The following GRAMD4 variants were observed in gnomAD, a reference collection of about 807,000 sequenced individuals.
GRAMD4 encodes GRAM domain-containing protein 4.
A neutral mutation model predicts 83.9 loss-of-function variants in GRAMD4; 25 were observed. The observed-to-expected ratio is 0.30, with a 90% CI of 0.22 to 0.42. GRAMD4 has a LOEUF of 0.42. Among genes scored for constraint, GRAMD4 ranks in the 10% least tolerant of loss-of-function variants. The pLI, the probability that GRAMD4 is intolerant of heterozygous loss-of-function variation, is 1.00. For synonymous variants in GRAMD4, 336 were observed against 320.9 expected, an observed-to-expected ratio of 1.05 and a Z score of -0.50; for missense variants, 593 against 788.7, an observed-to-expected ratio of 0.75 and a Z score of 2.97.
chr22:46,577,266 G>C (rs902462348), exon 1 of GRAMD4: 2 of 979,284 alleles, frequency 2.0e-6, no homozygotes, highest in Non-Finnish European at 2.4e-6. Context: ...GGGTGGATGA[G>C]AGTTGGCCCC....
rs2082368058 is a variant in GRAMD4, at chr22:46,663,858, G to A, written c.620G>A (p.Arg207Gln). The A allele has an allele frequency of 1.2e-6, 2 of 1,613,360 alleles. No homozygotes were observed. Among genetic ancestry groups the A allele is most frequent in the Non-Finnish European group, 1.7e-6 (2 of 1,179,906 alleles). Reference sequence around the variant, plus strand: ...CTTAGGTTAACTGAAAATATGAGACGGCTCAGTGAGTACCAGCGGCTCTGC... The same window carrying A: ...CTTAGGTTAACTGAAAATATGAGACAGCTCAGTGAGTACCAGCGGCTCTGC... ...SARRLTENMRRLKRGAKPVTN... is the reference protein window; with the variant it reads ...SARRLTENMRQLKRGAKPVTN... Residue 207 changes from arginine (R) to glutamine (Q), a missense_variant, in exon 7 of 19, where the codon CGG becomes CAG. Arg to Gln is a conservative substitution (Grantham distance 43). This residue lies in a region of GRAMD4 where 312 missense variants were observed against 350.7 expected (regional missense o/e 0.89). Coordinates refer to ENST00000406902, the MANE Select transcript of GRAMD4 (RefSeq NM_015124.5).
intron 3 of GRAMD4, among the ~76,000 whole-genome samples, chr22:46,647,474 C>A (rs1036750342): frequency 4.6e-5 from 7 of 152,300 alleles, no homozygotes; most frequent in Non-Finnish European, 4.4e-5. Context: ...GAGCTCACAC[C>A]TCAAAGGAGA....
chr22:46,660,939 G>A (rs1180897507), intron 4 of GRAMD4, among the ~76,000 whole-genome samples: 1 of 152,218 alleles, frequency 6.6e-6, no homozygotes, highest in Non-Finnish European at 1.5e-5. Context: ...CCCAGTCCAG[G>A]CAGGTCGCTG....
Position 46,679,157 on chromosome 22 carries a change from C to T in GRAMD4, c.*1906C>T, listed in dbSNP as rs865917863. ...TGGCCACACCTCTCTCCCCAGGGCC[C>T]GGCAGTGCCCAAGGATGGGTCCGGG... On this transcript the variant is annotated 3_prime_UTR_variant, in exon 19 of 19. Coordinates refer to ENST00000406902, the MANE Select transcript of GRAMD4 (RefSeq NM_015124.5). 32 of 985,418 alleles carry T rather than the reference C, an allele frequency of 3.2e-5. No homozygotes were observed. In the South Asian group the frequency reaches 3.8e-4, roughly 12 times the overall value. The allele number at this position is 985,418 out of a possible 1,614,324, so 61.0% of individuals were successfully genotyped here.
rs186657494 is a variant in GRAMD4, at chr22:46,647,439, G to A, written c.283+9479G>A. On this transcript the variant is annotated intron_variant, in intron 3 of 18. Coordinates refer to ENST00000406902, the MANE Select transcript of GRAMD4 (RefSeq NM_015124.5). ...AGGGGTGAGCTGACCCTACCACACCGAGTTCCTGGCCTGTCCTGTCCCTGG... is the reference window on the plus strand; with the variant it reads ...AGGGGTGAGCTGACCCTACCACACCAAGTTCCTGGCCTGTCCTGTCCCTGG... 3.4e-4 allele frequency among the ~76,000 whole-genome samples: 51 copies of A among 152,232 alleles called. No homozygotes were observed. The East Asian group carries it at 8.3e-3, about 25-fold the overall frequency.
intron 3 of GRAMD4, among the ~76,000 whole-genome samples, chr22:46,643,173 A>C (rs1354278003): frequency 2.3e-5 from 3 of 133,086 alleles, no homozygotes; most frequent in African/African-American, 3.2e-5. Flanking sequence ...CCATCCATCC[A>C]TCCATCCATC....
chr22:46,627,164 G>T (rs543529945), intron 2 of GRAMD4, among the ~76,000 whole-genome samples: 1 of 152,210 alleles, frequency 6.6e-6, no homozygotes, highest in Non-Finnish European at 1.5e-5. Flanking sequence ...TTCTGTGTTC[G>T]CAGGTCTGAT....
intron 2 of GRAMD4, among the ~76,000 whole-genome samples, chr22:46,628,029 A>C (rs2081697235): frequency 6.6e-6 from 1 of 152,196 alleles, no homozygotes; most frequent in Admixed American, 6.5e-5. Context: ...CCTTCGCCGG[A>C]GAGCTGTGTC....
chr22:46,674,033 G>A (rs1312364360), intron 15 of GRAMD4, among the ~76,000 whole-genome samples: 1 of 152,204 alleles, frequency 6.6e-6, no homozygotes, highest in Admixed American at 6.5e-5. Flanking sequence ...GGGGAGAGCC[G>A]CCCACGCTGC....
chr22:46,673,665 G>A lies in GRAMD4; in HGVS notation c.1240-5G>A, dbSNP rs1371075996. On this transcript the variant is annotated splice_polypyrimidine_tract_variant and splice_region_variant and intron_variant, in intron 14 of 18. Transcript: ENST00000406902. ...CCTGACCTCGACGCTGTTTGCCGTT[G>A]GCAGCTGCAGACGACCTCGTCACGG... The A allele has an allele frequency of 1.2e-6, 2 of 1,609,914 alleles. No individual in the cohort carries two copies. The highest frequency in any genetic ancestry group is 2.2e-5 in the South Asian group (2 of 91,044).
At chr22:46,668,514 G>A (rs949207407) in intron 11 of GRAMD4, among the ~76,000 whole-genome samples, 175 bp from the exon 12 acceptor site, 5 of 152,098 alleles carry the variant, frequency 3.3e-5, no homozygotes, top group African/African-American at 1.2e-4. Context: ...TGTGAGCGTG[G>A]CCACCTCTGC....
Position 46,593,507 on chromosome 22 carries a change from C to T in GRAMD4, c.-50+16217C>T, listed in dbSNP as rs113374773. 7.2e-5 allele frequency among the ~76,000 whole-genome samples: 11 copies of T among 152,252 alleles called. 1 individual carries two copies. The highest frequency in any genetic ancestry group is 2.4e-4 in the African/African-American group (10 of 41,566). ...GCAGGGCCTACCGAGAGTCCCATGG[C>T]GGGCGGGCAGAGGTGGGCTAGTGTT... On this transcript the variant is annotated intron_variant, in intron 1 of 1. Coordinates refer to the GRAMD4 transcript ENST00000431155.
intron 1 of GRAMD4, among the ~76,000 whole-genome samples, chr22:46,608,508 A>G (rs966044422): frequency 2.0e-5 from 3 of 152,086 alleles, no homozygotes; most frequent in Non-Finnish European, 2.9e-5. Flanking sequence ...GCGAAACCCC[A>G]TCTCTACTAA....
chr22:46,644,283 GT>G (rs2082033181), intron 3 of GRAMD4, among the ~76,000 whole-genome samples: 1 of 151,976 alleles, frequency 6.6e-6, no homozygotes, highest in Admixed American at 6.6e-5. Flanking sequence ...CCTGTTCCAT[GT>G]TACACCTGTC....
In GRAMD4 at chr22:46,597,467, G is replaced by T. The variant is rs529197319; in HGVS notation, c.-50+20177G>T. Among the ~76,000 whole-genome samples the T allele has an allele frequency of 4.3e-4, 65 of 152,182 alleles. 1 individual carries two copies. Among genetic ancestry groups the T allele is most frequent in the African/African-American group, 1.5e-3 (64 of 41,540 alleles). ...CAAGTTTCAGGTGATTTTCTGGCCTGGTTTCATTTATCTATCTATCTATTT... is the reference window on the plus strand; with the variant it reads ...CAAGTTTCAGGTGATTTTCTGGCCTTGTTTCATTTATCTATCTATCTATTT... On this transcript the variant is annotated intron_variant, in intron 1 of 1. Coordinates refer to the GRAMD4 transcript ENST00000431155.
At chr22:46,609,511 A>T (rs1462762181) in intron 1 of GRAMD4, among the ~76,000 whole-genome samples, 3 of 152,214 alleles carry the variant, frequency 2.0e-5, no homozygotes, top group South Asian at 2.1e-4. Context: ...GGGAGGAGCT[A>T]TTTGAGGCCA....
chr22:46,590,556 G>A (rs772317156), intron 1 of GRAMD4, among the ~76,000 whole-genome samples: 1 of 152,232 alleles, frequency 6.6e-6, no homozygotes, highest in African/African-American at 2.4e-5. Context: ...CCTGTTGCTC[G>A]TGACTGGCCT....
intron 3 of GRAMD4, among the ~76,000 whole-genome samples, chr22:46,656,018 G>C (rs1475246522): frequency 6.6e-6 from 1 of 152,098 alleles, no homozygotes; most frequent in Non-Finnish European, 1.5e-5. Context: ...AGCCTGATGA[G>C]ACTGGGCAGC....
At chr22:46,581,118 G>C (rs112490790) in intron 1 of GRAMD4, among the ~76,000 whole-genome samples, 9 of 152,144 alleles carry the variant, frequency 5.9e-5, no homozygotes, top group Non-Finnish European at 1.2e-4. Context: ...TGACAGTCCC[G>C]TCTACAGGGC....
Sources: allele counts gnomAD v4.1 joint callset (sites outside exome capture counted in the v4.1 genomes callset), GRCh38; gene constraint gnomAD v4.1.1; regional missense constraint gnomAD v4.1.1; transcripts MANE v1.5; gene names NCBI Gene and HGNC (gene_info 2026-07-23, HGNC 2026-07-21).